CHIC1: variants seen among roughly 807,000 people sequenced by gnomAD.
CHIC1 encodes cysteine-rich hydrophobic domain-containing protein 1.
A neutral mutation model predicts 18.5 loss-of-function variants in CHIC1; 7 were observed. That is an observed-to-expected ratio of 0.38 (90% CI 0.22 to 0.71). The LOEUF (loss-of-function observed/expected upper bound fraction) is 0.71, where lower values mean the gene tolerates loss of function less well. CHIC1 is among the 30% of genes least tolerant of loss of function. CHIC1 has a pLI of 0.49. For synonymous variants in CHIC1, 77 were observed against 73.5 expected (o/e 1.05, Z -0.25); for missense variants, 159 against 176.9 (o/e 0.90, Z 0.57).
intron 3 of CHIC1, among the ~76,000 whole-genome samples, chrX:73,618,134 C>T (rs2057741632): frequency 9.0e-6 from 1 of 111,654 alleles, no homozygotes; most frequent in Non-Finnish European, 1.9e-5. Flanking sequence ...CGTGAACTGT[C>T]TTCAGGTCTC....
chrX:73,629,970 A>G (rs2057799935), intron 3 of CHIC1, among the ~76,000 whole-genome samples: 1 of 111,886 alleles, frequency 8.9e-6, no homozygotes, highest in Admixed American at 9.5e-5. Flanking sequence ...AATTTCTTTC[A>G]TTAGTGTTTT....
intron 2 of CHIC1, chrX:73,578,632 A>G (rs1038951118): frequency 9.1e-6 from 1 of 110,298 alleles, no homozygotes; most frequent in African/African-American, 3.3e-5. Context: ...AAGCAAAATG[A>G]AAATCACTGT....
chrX:73,662,218 A>G (rs1354343075), intron 3 of CHIC1, among the ~76,000 whole-genome samples: 1 of 109,564 alleles, frequency 9.1e-6, no homozygotes, highest in Non-Finnish European at 1.9e-5. Context: ...ATTGCTTTTT[A>G]CTTAAAGGAA....
chrX:73,618,119 T>A (rs771900819), intron 3 of CHIC1, among the ~76,000 whole-genome samples: 3 of 111,774 alleles, frequency 2.7e-5, no homozygotes, highest in Non-Finnish European at 5.6e-5. Flanking sequence ...CACATAGTTC[T>A]GTGACGTGAA....
At chrX:73,655,359 CTATA>C (rs1203177392) in intron 3 of CHIC1, among the ~76,000 whole-genome samples, 8 of 99,751 alleles carry the variant, frequency 8.0e-5, no homozygotes, top group African/African-American at 3.0e-4. Flanking sequence ...CATACAAACA[CTATA>C]TACACACAAT....
chrX:73,616,983 G>A (rs1346226051), intron 3 of CHIC1, among the ~76,000 whole-genome samples: 1 of 112,373 alleles, frequency 8.9e-6, no homozygotes, highest in Non-Finnish European at 1.9e-5. Context: ...TTTCTTCTGA[G>A]AAAATGTGTT....
chrX:73,662,585 A>G (rs774759665), intron 3 of CHIC1, among the ~76,000 whole-genome samples: 2 of 107,657 alleles, frequency 1.9e-5, no homozygotes, highest in Admixed American at 2.1e-4. Flanking sequence ...TTTGTAACTT[A>G]TCAGTAGTTT....
At position 73,680,799 on chromosome X, in the gene CHIC1, G is replaced by A. The variant is rs1755291683; in HGVS notation, c.625-156G>A. ...AATCTAATAACAACTTGTGGTTTAA[G>A]TTCTTTACATATTTTTTTCATGTAT... On this transcript the variant is annotated intron_variant, in intron 5 of 5. Coordinates refer to ENST00000373502, the MANE Select transcript of CHIC1 (RefSeq NM_001039840.4). Among the ~76,000 whole-genome samples, 3 of 110,948 alleles carry A rather than the reference G, an allele frequency of 2.7e-5. No individual in the cohort carries two copies. The South Asian group carries it at 1.1e-3, about 42-fold the overall frequency.
At chrX:73,650,628 AG>A (rs2057911467) in intron 3 of CHIC1, among the ~76,000 whole-genome samples, 1 of 108,031 alleles carries the variant, frequency 9.3e-6, no homozygotes, top group South Asian at 4.2e-4. Context: ...AGACTAAACC[AG>A]GAAGAAGTCG....
intron 3 of CHIC1, among the ~76,000 whole-genome samples, chrX:73,649,063 G>T (rs1201262440): frequency 4.5e-5 from 5 of 112,055 alleles, no homozygotes; most frequent in African/African-American, 1.3e-4. Flanking sequence ...TAAAAGAAAA[G>T]ATTTGTCAAC....
At chrX:73,626,396 GTC>G (rs2057783729) in intron 3 of CHIC1, among the ~76,000 whole-genome samples, 1 of 111,104 alleles carries the variant, frequency 9.0e-6, no homozygotes, top group Non-Finnish European at 1.9e-5. Flanking sequence ...TACTACTTCT[GTC>G]TCTATCTCCT....
At chrX:73,597,164 C>T (rs1463777592) in intron 3 of CHIC1, among the ~76,000 whole-genome samples, 1 of 112,059 alleles carries the variant, frequency 8.9e-6, no homozygotes, top group Non-Finnish European at 1.9e-5. Context: ...TTTTCCATTT[C>T]ATTTATAACA....
At chrX:73,645,087 A>G (rs1366343779) in intron 3 of CHIC1, among the ~76,000 whole-genome samples, 1 of 112,288 alleles carries the variant, frequency 8.9e-6, no homozygotes, top group Non-Finnish European at 1.9e-5. Context: ...TGTAGACCAG[A>G]GCTGTTCCTA....
At chrX:73,679,745 T>TA in intron 5 of CHIC1, 32 bp downstream of exon 5, 1 of 805,546 alleles carries the variant, frequency 1.2e-6, no homozygotes, top group Non-Finnish European at 1.7e-6. Flanking sequence ...ATTATTTTTT[T>TA]ATTCATTCTA....
intron 3 of CHIC1, among the ~76,000 whole-genome samples, chrX:73,622,596 G>T (rs1344569207): frequency 1.8e-5 from 2 of 109,596 alleles, no homozygotes; most frequent in Non-Finnish European, 3.8e-5. Context: ...TATTGTTCTG[G>T]CTAGCAGTCT....
intron 3 of CHIC1, among the ~76,000 whole-genome samples, chrX:73,602,873 A>T (rs2057658843): frequency 9.2e-6 from 1 of 108,858 alleles, no homozygotes; most frequent in Non-Finnish European, 1.9e-5. Flanking sequence ...CCATTGATCT[A>T]TATATCTGTT....
At chrX:73,673,196 T>C (rs1458383536) in intron 3 of CHIC1, among the ~76,000 whole-genome samples, 1 of 111,906 alleles carries the variant, frequency 8.9e-6, no homozygotes, top group African/African-American at 3.3e-5. Flanking sequence ...CCTCCAGCTT[T>C]GTTCTTTTGG....
At chrX:73,667,514 T>C (rs1193362148) in intron 3 of CHIC1, among the ~76,000 whole-genome samples, 1 of 112,198 alleles carries the variant, frequency 8.9e-6, no homozygotes, top group Non-Finnish European at 1.9e-5. Flanking sequence ...TATTTAGTGC[T>C]TTCTTCAGGA....
chrX:73,620,940 C>T (rs2057757223), intron 3 of CHIC1, among the ~76,000 whole-genome samples: 2 of 111,915 alleles, frequency 1.8e-5, no homozygotes, highest in Admixed American at 1.9e-4. Flanking sequence ...TTCACAACAC[C>T]ATTTATTAAA....
Sources: gnomAD v4.1 joint callset for allele counts (sites outside exome capture counted in the v4.1 genomes callset) on GRCh38, gnomAD v4.1.1 for gene constraint, MANE v1.5 for transcripts, NCBI Gene and HGNC (gene_info 2026-07-23, HGNC 2026-07-21) for gene names.